BPIFB1: variants seen among roughly 807,000 people sequenced by gnomAD.
BPIFB1 encodes the protein BPI fold containing family B member 1, also known as BPI fold-containing family B member 1.
Under a neutral mutation model 55.1 loss-of-function variants are expected in BPIFB1, and 34 were observed. That is an observed-to-expected ratio of 0.62 (90% CI 0.47 to 0.82). BPIFB1 has a LOEUF of 0.82. BPIFB1 is among the 40% of genes least tolerant of loss of function. BPIFB1 has a pLI of 0.00. For missense variants in BPIFB1, 532 were observed against 593.1 expected, an observed-to-expected ratio of 0.90 and a Z score of 1.07; for synonymous variants, 236 against 245.3, an observed-to-expected ratio of 0.96 and a Z score of 0.35.
At chr20:33,284,689 G>C (rs181360898) in intron 1 of BPIFB1, among the ~76,000 whole-genome samples, 1 of 152,252 alleles carries the variant, frequency 6.6e-6, no homozygotes, top group Admixed American at 6.5e-5. Flanking sequence ...CCTCCAAGCA[G>C]GACAGTCCAC....
chr20:33,292,669 A>G (rs1183024988), intron 6 of BPIFB1, among the ~76,000 whole-genome samples: 2 of 152,008 alleles, frequency 1.3e-5, no homozygotes, highest in African/African-American at 4.8e-5. Context: ...TGTGGTATTC[A>G]GGGCTGCACC....
At chr20:33,288,108 A>G (rs1433859706) in intron 2 of BPIFB1, among the ~76,000 whole-genome samples, 1 of 151,874 alleles carries the variant, frequency 6.6e-6, no homozygotes, top group Non-Finnish European at 1.5e-5. Flanking sequence ...TGATACACCA[A>G]CTCTCACCAA....
In BPIFB1 at chr20:33,291,036, GGC is replaced by G. The variant is rs1229429121; in HGVS notation, c.446_447del (p.Gly149AlafsTer8). On this transcript the variant is annotated frameshift_variant, in exon 5 of 16. Coordinates refer to ENST00000253354, the MANE Select transcript of BPIFB1 (RefSeq NM_033197.3). LOFTEE classifies it high-confidence loss of function. ...CATCCGCATGGACACCAGTGCAAGT[GGC>G]CCCACCCGCCTGGTCCTCAGTGACT... is the stretch of plus-strand genomic sequence containing the variant. ...ATIRMDTSAS[G>X]PTRLVLSDCA... 6.2e-7 allele frequency: 1 copy of G among 1,613,798 alleles called. No homozygotes were observed. Among genetic ancestry groups the G allele is most frequent in the South Asian group, 1.1e-5 (1 of 91,078 alleles).
intron 4 of BPIFB1, 83 bp from the exon 5 acceptor site, chr20:33,290,874 G>A (rs1980442919): frequency 2.7e-6 from 4 of 1,481,784 alleles, no homozygotes; most frequent in Middle Eastern, 2.0e-4. Context: ...GGAGGTGAGG[G>A]CTGGAAGACA....
At chr20:33,297,721 C>T (rs1400767019) in intron 7 of BPIFB1, 133 bp downstream of exon 7, 1 of 905,186 alleles carries the variant, frequency 1.1e-6, no homozygotes, top group Non-Finnish European at 1.8e-6. Flanking sequence ...GTGAGACAAG[C>T]ATCAGTTGAT....
chr20:33,301,661 C>T (rs1486216671), intron 9 of BPIFB1, among the ~76,000 whole-genome samples: 2 of 152,188 alleles, frequency 1.3e-5, no homozygotes, highest in African/African-American at 4.8e-5. Context: ...ATAACAGTCT[C>T]GTGAAATCAA....
chr20:33,304,346 T>A (rs1980949509), intron 12 of BPIFB1, among the ~76,000 whole-genome samples: 1 of 152,124 alleles, frequency 6.6e-6, no homozygotes, highest in Non-Finnish European at 1.5e-5. Flanking sequence ...CCCTGCCTGT[T>A]CTCCCTCCCC....
At chr20:33,291,168 AC>A in intron 5 of BPIFB1, 62 bp downstream of exon 5, 8 of 1,578,522 alleles carry the variant, frequency 5.1e-6, no homozygotes, top group South Asian at 1.1e-5. Context: ...CAGGCAGTGG[AC>A]TTCCCCCATT....
At chr20:33,299,062 C>T (rs1432582143) in intron 7 of BPIFB1, 3 of 434,474 alleles carry the variant, frequency 6.9e-6, no homozygotes, top group Non-Finnish European at 9.5e-6. Flanking sequence ...TATGTCCTTC[C>T]GATTTTAGTA....
intron 7 of BPIFB1, among the ~76,000 whole-genome samples, chr20:33,297,897 T>C (rs1980706634): frequency 6.6e-6 from 1 of 152,212 alleles, no homozygotes; most frequent in Non-Finnish European, 1.5e-5. Context: ...CATCCTCGGT[T>C]TCCTCATCCA....
At chr20:33,299,344 C>CT (rs765875607) in intron 7 of BPIFB1, 82 of 365,238 alleles carry the variant, frequency 2.2e-4, no homozygotes, top group South Asian at 1.9e-4. Flanking sequence ...AACACGAGAT[C>CT]TTTGGGGGGA....
intron 9 of BPIFB1, 79 bp from the exon 10 acceptor site, chr20:33,302,280 T>C: frequency 2.0e-6 from 3 of 1,477,058 alleles, no homozygotes; most frequent in Non-Finnish European, 2.8e-6. Flanking sequence ...CTGGGAAACC[T>C]TCCTCCCAGC....
chr20:33,285,997 G>A, intron 1 of BPIFB1, 36 bp from the exon 2 acceptor site: 1 of 1,397,974 alleles, frequency 7.2e-7, no homozygotes, highest in Non-Finnish European at 1.0e-6. Context: ...CCTGCCCTTG[G>A]CCCCTCTGCC....
intron 3 of BPIFB1, among the ~76,000 whole-genome samples, chr20:33,289,392 A>AAC (rs1980377376): frequency 2.0e-5 from 3 of 149,668 alleles, no homozygotes; most frequent in African/African-American, 7.5e-5. Context: ...AAAAAAAAAA[A>AAC]AACAAAAAAA....
chr20:33,299,796 C>G, intron 7 of BPIFB1, 103 bp from the exon 8 acceptor site: 2 of 675,970 alleles, frequency 3.0e-6, no homozygotes, highest in Non-Finnish European at 2.7e-6. Flanking sequence ...TCCCTACCTG[C>G]CCCCCCATGC....
At chr20:33,285,596 T>C (rs1980241449) in intron 1 of BPIFB1, among the ~76,000 whole-genome samples, 1 of 151,104 alleles carries the variant, frequency 6.6e-6, no homozygotes, top group Admixed American at 6.6e-5. Flanking sequence ...TGGGTGTCTG[T>C]AGTCCCAACT....
chr20:33,300,783 C>T (rs1264656544), intron 8 of BPIFB1, among the ~76,000 whole-genome samples: 2 of 151,976 alleles, frequency 1.3e-5, no homozygotes, highest in African/African-American at 4.8e-5. Flanking sequence ...AGATGGGGTT[C>T]CGCCATGTTG....
rs1383503697 is a variant in BPIFB1 at position 33,305,988 on chromosome 20, T to TCC, written c.1255-13_1255-12insCC. On this transcript the variant is annotated splice_polypyrimidine_tract_variant and intron_variant, in intron 13 of 15. Transcript: ENST00000253354. ...GCTCAACCAGGGTGACAGTGCCCCT[T>TCC]CTCTCTCTCACAGCCTGATGTTCTG... 1 of 1,613,000 alleles carries TCC rather than the reference T, an allele frequency of 6.2e-7. No individual in the cohort carries two copies.
chr20:33,300,018 G>A, intron 8 of BPIFB1, 34 bp downstream of exon 8: 1 of 1,579,872 alleles, frequency 6.3e-7, no homozygotes, highest in Non-Finnish European at 8.7e-7. Context: ...GTGAAGTGGG[G>A]ACATTGCTGC....
Sources: gnomAD v4.1 joint callset for allele counts (sites outside exome capture counted in the v4.1 genomes callset) on GRCh38, gnomAD v4.1.1 for gene constraint, MANE v1.5 for transcripts, NCBI Gene and HGNC (gene_info 2026-07-23, HGNC 2026-07-21) for gene names.